Variants in PMFBP1 observed in about 807,000 individuals in gnomAD.
The protein encoded by PMFBP1 is polyamine modulated factor 1 binding protein 1.
PMFBP1 carries 131 observed loss-of-function variants against 137.8 expected under a neutral mutation model. That is an observed-to-expected ratio of 0.95 (90% CI 0.82 to 1.10). The LOEUF (loss-of-function observed/expected upper bound fraction) is 1.10, where lower values mean the gene tolerates loss of function less well. Ranked by LOEUF, PMFBP1 falls within the 50% of genes least tolerant of loss-of-function variation. PMFBP1 has a pLI of 0.00. For missense variants in PMFBP1, 1,199 were observed against 1,175.4 expected (o/e 1.02, Z -0.29); for synonymous variants, 490 against 450.4 (o/e 1.09, Z -1.11).
chr16:72,238,225 A>G, the PMFBP1 span, among the ~76,000 whole-genome samples: 1 of 152,232 alleles, frequency 6.6e-6, no homozygotes, highest in Non-Finnish European at 1.5e-5. Flanking sequence ...AGGAGTTGCC[A>G]TACTGCTTTC....
At chr16:72,158,562 A>G (rs991638820) in intron 3 of PMFBP1, among the ~76,000 whole-genome samples, 8 of 152,102 alleles carry the variant, frequency 5.3e-5, no homozygotes, top group African/African-American at 1.9e-4. Flanking sequence ...CTTACATAGT[A>G]AGTTAGGAGG....
chr16:72,249,920 C>CAAAAAAAAAAA, the PMFBP1 span, among the ~76,000 whole-genome samples: 5 of 30,108 alleles, frequency 1.7e-4, no homozygotes, highest in African/African-American at 3.7e-4. Flanking sequence ...GACTCCATCG[C>CAAAAAAAAAAA]AAAAAAAAAA....
chr16:72,153,445 A>G (rs1406606543), intron 4 of PMFBP1, among the ~76,000 whole-genome samples: 1 of 151,918 alleles, frequency 6.6e-6, no homozygotes, highest in Non-Finnish European at 1.5e-5. Flanking sequence ...TTTTATCTTT[A>G]AATCTAAAGA....
At chr16:72,154,045 C>T (rs1319748983) in intron 4 of PMFBP1, among the ~76,000 whole-genome samples, 166 bp downstream of exon 4, 2 of 151,606 alleles carry the variant, frequency 1.3e-5, no homozygotes, top group South Asian at 2.1e-4. Context: ...TAGTTTCCTT[C>T]TGCTCAGCTT....
At chr16:72,144,469 G>C (rs564974260) in intron 5 of PMFBP1, among the ~76,000 whole-genome samples, 1 of 152,118 alleles carries the variant, frequency 6.6e-6, no homozygotes, top group African/African-American at 2.4e-5. Context: ...AGAAGGTCCC[G>C]TGTACAGAAG....
rs182019014 is a variant in PMFBP1 at position 72,125,215 on chromosome 16, C to T, written c.2421+23G>A. On this transcript the variant is annotated intron_variant, in intron 16 of 20. Coordinates refer to ENST00000237353, the MANE Select transcript of PMFBP1 (RefSeq NM_031293.3). ...TGTGGACCCCTACCAGGAAGGCAGC[C>T]CAAGCCCCTGGCAGCTCCTCACCTC... is the stretch of plus-strand genomic sequence containing the variant. 1,547 of 1,607,032 alleles carry T rather than the reference C, an allele frequency of 9.6e-4. 4 individuals are homozygous for T. Among genetic ancestry groups the T allele is most frequent in the Middle Eastern group, 2.8e-3 (17 of 6,012 alleles).
At chr16:72,185,451 G>C in the PMFBP1 span, among the ~76,000 whole-genome samples, 2 of 151,990 alleles carry the variant, frequency 1.3e-5, no homozygotes, top group African/African-American at 2.4e-5. Flanking sequence ...CTACGGCTAT[G>C]TGCATTATTC....
the PMFBP1 span, among the ~76,000 whole-genome samples, chr16:72,214,455 G>A: frequency 1.3e-5 from 2 of 152,172 alleles, no homozygotes; most frequent in Non-Finnish European, 1.5e-5. Flanking sequence ...GATTACAGGC[G>A]TGAGCCACTG....
the PMFBP1 span, among the ~76,000 whole-genome samples, chr16:72,216,636 T>G: frequency 7.9e-5 from 12 of 152,178 alleles, no homozygotes; most frequent in Admixed American, 3.3e-4. Context: ...AGGAGAGAAT[T>G]AGCAGGTTTG....
upstream of PMFBP1, among the ~76,000 whole-genome samples, chr16:72,177,977 G>A (rs573947924): frequency 2.6e-5 from 4 of 152,002 alleles, no homozygotes; most frequent in East Asian, 5.8e-4. Flanking sequence ...CTGCAGCCTC[G>A]ACTTCCCAGG....
chr16:72,127,974 C>T (rs928198274), intron 14 of PMFBP1, among the ~76,000 whole-genome samples: 3 of 152,108 alleles, frequency 2.0e-5, no homozygotes, highest in Admixed American at 1.3e-4. Context: ...TTTCTCTTGC[C>T]CAGAAAGATG....
intron 5 of PMFBP1, among the ~76,000 whole-genome samples, chr16:72,147,300 C>T (rs1015194978): frequency 6.6e-6 from 1 of 151,878 alleles, no homozygotes; most frequent in African/African-American, 2.4e-5. Context: ...ATAAATGGTG[C>T]TGGGAAAACT....
the PMFBP1 span, among the ~76,000 whole-genome samples, chr16:72,221,395 C>T: frequency 2.0e-5 from 3 of 152,146 alleles, no homozygotes; most frequent in Non-Finnish European, 2.9e-5. Flanking sequence ...TGCTCTGGCC[C>T]GCTGCTCCGG....
At chr16:72,225,739 A>T in the PMFBP1 span, among the ~76,000 whole-genome samples, 1 of 145,488 alleles carries the variant, frequency 6.9e-6, no homozygotes, top group East Asian at 2.0e-4. Flanking sequence ...TAATAATAAT[A>T]ATAATAATAA....
intron 2 of PMFBP1, 119 bp from the exon 3 acceptor site, chr16:72,165,035 G>T: frequency 9.4e-7 from 1 of 1,058,578 alleles, no homozygotes; most frequent in Non-Finnish European, 1.3e-6. Flanking sequence ...TCAACCATTA[G>T]CTGTTATTAC....
At chr16:72,182,069 C>T in the PMFBP1 span, among the ~76,000 whole-genome samples, 4 of 152,192 alleles carry the variant, frequency 2.6e-5, no homozygotes, top group East Asian at 1.9e-4. Flanking sequence ...GCCCATGGGC[C>T]GCTGATTAGA....
the PMFBP1 span, among the ~76,000 whole-genome samples, chr16:72,197,465 C>T: frequency 3.3e-5 from 5 of 152,180 alleles, no homozygotes; most frequent in African/African-American, 1.2e-4. Flanking sequence ...ACTTAAATAG[C>T]AGTCTTCCTA....
At chr16:72,237,629 T>C in the PMFBP1 span, among the ~76,000 whole-genome samples, 1 of 152,192 alleles carries the variant, frequency 6.6e-6, no homozygotes, top group Admixed American at 6.6e-5. Context: ...TAGCCAACTC[T>C]ATATGTCTTT....
In PMFBP1 at chr16:72,139,337, G is replaced by C. The variant is rs1432725787; in HGVS notation, c.870C>G (p.Thr290=). The C allele has an allele frequency of 6.2e-7, 1 of 1,614,138 alleles. No individual in the cohort carries two copies. Among genetic ancestry groups the C allele is most frequent in the South Asian group, 1.1e-5 (1 of 91,080 alleles). The change falls in exon 7 of 21, where the codon ACC becomes ACG. Residue 290 remains threonine, a synonymous_variant. Transcript: ENST00000237353. ...LQADFASCTA[T]HRYPPSSSEE... ...CTGAGGAGCTAGGAGGGTATCTGTG[G>C]GTGGCTGTACAGGAAGCAAAATCGG...
Sources: gnomAD v4.1 joint callset for allele counts (sites outside exome capture counted in the v4.1 genomes callset) on GRCh38, gnomAD v4.1.1 for gene constraint, MANE v1.5 for transcripts, NCBI Gene and HGNC (gene_info 2026-07-23, HGNC 2026-07-21) for gene names.